Variants in SALL2 observed in about 807,000 individuals in gnomAD.
SALL2 encodes the protein spalt like transcription factor 2, also known as sal-like protein 2.
Under a neutral mutation model 58.5 loss-of-function variants are expected in SALL2, and 32 were observed. The observed-to-expected ratio is 0.55, with a 90% CI of 0.41 to 0.74. SALL2 has a LOEUF of 0.74. Ranked by LOEUF, SALL2 falls within the 30% of genes least tolerant of loss-of-function variation. The probability of loss-of-function intolerance (pLI) is 0.00; values close to 1 mark genes in which losing one functional copy is unlikely to be tolerated. For synonymous variants in SALL2, 516 were observed against 513.6 expected, an observed-to-expected ratio of 1.00 and a Z score of -0.06; for missense variants, 1,201 against 1,268.9, an observed-to-expected ratio of 0.95 and a Z score of 0.81.
Position 21,521,921 on chromosome 14 carries a change from T to G in SALL2, c.*783A>C. On this transcript the variant is annotated 3_prime_UTR_variant, in exon 2 of 2. Coordinates refer to ENST00000537235, the MANE Select transcript of SALL2 (RefSeq NM_001364564.1). ...ATGCCCTTCCTTCATTTCTCCCTAC[T>G]TCCTAGGGTTGGGTCACCAATTACT... is the stretch of plus-strand genomic sequence containing the variant. The G allele has an allele frequency of 7.0e-7, 1 of 1,432,878 alleles. No homozygotes were observed. Among genetic ancestry groups the G allele is most frequent in the Non-Finnish European group, 9.2e-7 (1 of 1,081,148 alleles). 88.8% of individuals were successfully genotyped at this position (1,432,878 alleles called of 1,614,324 possible). A position where few individuals can be genotyped will look rare whatever the true frequency, so the allele number is the denominator to read the frequency against.
rs1424081447 is a variant in SALL2 at position 21,525,542 on chromosome 14, T to A, written c.180A>T (p.Val60=). ...HQNACSTDPP[V]MVIIGGQENP... The stretch of plus-strand genomic sequence containing the variant: ...TCTCCTGGCCCCCAATTATCACCAT[T>A]ACAGGAGGGTCAGTAGAACATGCGT... The change falls in exon 2 of 2, where the codon GTA becomes GTT. Residue 60 remains valine (V), a synonymous_variant. Coordinates refer to ENST00000537235, the MANE Select transcript of SALL2 (RefSeq NM_001364564.1). This position sits in a 1 kb window ranked among gnomAD's most constrained non-coding sequence, Gnocchi z 4.4. 3 of 1,613,908 alleles carry A rather than the reference T, an allele frequency of 1.9e-6. No homozygotes were observed. The highest frequency in any genetic ancestry group is 2.5e-6 in the Non-Finnish European group (3 of 1,179,952).
chr14:21,521,958 A>T lies in SALL2; in HGVS notation c.*746T>A. The T allele has an allele frequency of 6.6e-7, 1 of 1,505,646 alleles. No individual in the cohort carries two copies. 93.3% of individuals were successfully genotyped at this position (1,505,646 alleles called of 1,614,324 possible). A position where few individuals can be genotyped will look rare whatever the true frequency, so the allele number is the denominator to read the frequency against. On this transcript the variant is annotated 3_prime_UTR_variant, in exon 2 of 2. Transcript: ENST00000537235. ...GGTCACCAATTACTGGAGCATCTTCAGTACCGGCACCTTCTGGAGCAGGGG... is the reference window on the plus strand; with the variant it reads ...GGTCACCAATTACTGGAGCATCTTCTGTACCGGCACCTTCTGGAGCAGGGG...
chr14:21,536,113 AT>A (rs1892590070), intron 1 of SALL2, among the ~76,000 whole-genome samples: 1 of 152,148 alleles, frequency 6.6e-6, no homozygotes, highest in Non-Finnish European at 1.5e-5. Flanking sequence ...AATACATACA[AT>A]TTTTCCCCCT....
At chr14:21,531,986 T>C (rs1482367903) in intron 1 of SALL2, among the ~76,000 whole-genome samples, 1 of 152,112 alleles carries the variant, frequency 6.6e-6, no homozygotes, top group East Asian at 1.9e-4. Context: ...CACCTCAGCC[T>C]CCCAAAGTGC....
chr14:21,522,536 T>A lies in SALL2; in HGVS notation c.*168A>T. 1.4e-6 allele frequency: 2 copies of A among 1,391,306 alleles called. No individual in the cohort carries two copies. The highest frequency in any genetic ancestry group is 1.9e-6 in the Non-Finnish European group (2 of 1,076,932). 86.2% of individuals were successfully genotyped at this position (1,391,306 alleles called of 1,614,324 possible). On this transcript the variant is annotated 3_prime_UTR_variant, in exon 2 of 2. Transcript: ENST00000537235. ...AATTCCTTAGGGGGCCATCCCCTTG[T>A]AAGCACAGTAATTTCCAAGCTCAGG...
intron 1 of SALL2, chr14:21,536,871 T>C (rs1273187973): frequency 6.2e-7 from 1 of 1,614,130 alleles, no homozygotes; most frequent in East Asian, 2.2e-5. Flanking sequence ...CGCTGGGACC[T>C]TCGCAGTCCG....
At chr14:21,532,617 G>A (rs1204995473) in intron 1 of SALL2, among the ~76,000 whole-genome samples, 6 of 152,094 alleles carry the variant, frequency 3.9e-5, no homozygotes, top group East Asian at 3.9e-4. Context: ...TCCAGCCTGG[G>A]CAACAGAGTA....
At chr14:21,537,033 C>A (rs566441952) in exon 1 of SALL2, 3 of 793,506 alleles carry the variant, frequency 3.8e-6, no homozygotes, top group South Asian at 1.5e-5. Context: ...TCTCCCCCAG[C>A]GCAAATCACT....
In SALL2 at chr14:21,525,658, G is replaced by A; in HGVS notation, c.68-4C>T. On this transcript the variant is annotated splice_region_variant and splice_polypyrimidine_tract_variant and intron_variant, in intron 1 of 1. Transcript: ENST00000537235. This position sits in a 1 kb window ranked among gnomAD's most constrained non-coding sequence, Gnocchi z 4.4. The stretch of plus-strand genomic sequence containing the variant: ...TGATCCTCCTCGCTAGCATCACCTG[G>A]GGAGAAGACAAGGAGAGAGAGCGTG... 2 of 1,562,112 alleles carry A rather than the reference G, an allele frequency of 1.3e-6. No individual in the cohort carries two copies. Among genetic ancestry groups the A allele is most frequent in the Non-Finnish European group, 1.7e-6 (2 of 1,151,596 alleles).
At position 21,526,286 on chromosome 14, in the gene SALL2, G is replaced by A; in HGVS notation, c.-159C>T. 2.1e-6 allele frequency: 3 copies of A among 1,439,624 alleles called. No homozygotes were observed. Among genetic ancestry groups the A allele is most frequent in the South Asian group, 2.9e-5 (2 of 68,474 alleles). The allele number at this position is 1,439,624 out of a possible 1,614,324, so 89.2% of individuals were successfully genotyped here. A position where few individuals can be genotyped will look rare whatever the true frequency, so the allele number is the denominator to read the frequency against. ...GCGGGGGCAGGGAGCAGCGGCGGAG[G>A]GGGAGGGGAGCGAGGAGGCGGGGAG... is the stretch of plus-strand genomic sequence containing the variant. On this transcript the variant is annotated 5_prime_UTR_variant, in exon 1 of 2. Transcript: ENST00000537235.
Position 21,525,354 on chromosome 14 carries a change from A to C in SALL2, c.368T>G (p.Phe123Cys). The change falls in exon 2 of 2, where the codon TTC becomes TGC. Residue 123 changes from phenylalanine to cysteine, a missense_variant. This residue lies in a region of SALL2 where 467 missense variants were observed against 468.9 expected (regional missense o/e 1.00). Transcript: ENST00000537235. This position sits in a 1 kb window ranked among gnomAD's most constrained non-coding sequence, Gnocchi z 4.4. The stretch of plus-strand genomic sequence containing the variant: ...CGCTGTACCTGTGGCAGCGACCAGG[A>C]AATGCCCTGAAGACTCCTCTCCTCT... ...ERRGEESSGH[F>C]LVAATGTAAG... is the part of the protein sequence containing the mutation. 9 of 1,614,022 alleles carry C rather than the reference A, an allele frequency of 5.6e-6. No homozygotes were observed. Among genetic ancestry groups the C allele is most frequent in the Non-Finnish European group, 7.6e-6 (9 of 1,179,964 alleles).
chr14:21,522,419 AG>A lies in SALL2; in HGVS notation c.*284del. ...GGGAGAGGAGAGAGGAGGGGGAAGA[AG>A]GGTCACACCAGGGAAGCTGGAGAGG... On this transcript the variant is annotated 3_prime_UTR_variant, in exon 2 of 2. Transcript: ENST00000537235. The A allele has an allele frequency of 4.2e-6, 6 of 1,413,140 alleles. No homozygotes were observed. The highest frequency in any genetic ancestry group is 5.5e-6 in the Non-Finnish European group (6 of 1,086,832). 87.5% of individuals were successfully genotyped at this position (1,413,140 alleles called of 1,614,324 possible).
intron 1 of SALL2, among the ~76,000 whole-genome samples, chr14:21,533,450 G>T (rs541264194): frequency 6.6e-6 from 1 of 152,120 alleles, no homozygotes; most frequent in South Asian, 2.1e-4. Flanking sequence ...GATCTGTTTG[G>T]CTGCTGTCCT....
rs1158346454 is a variant in SALL2 at position 21,526,260 on chromosome 14, G to A, written c.-133C>T. 2.1e-5 allele frequency: 31 copies of A among 1,447,266 alleles called. No individual in the cohort carries two copies. Among genetic ancestry groups the A allele is most frequent in the Non-Finnish European group, 2.6e-5 (29 of 1,103,712 alleles). The allele number at this position is 1,447,266 out of a possible 1,614,324, so 89.7% of individuals were successfully genotyped here. A position where few individuals can be genotyped will look rare whatever the true frequency, so the allele number is the denominator to read the frequency against. ...GACTGCGGAGATGGAGATCGGCAGCGGCGGGGGCAGGGAGCAGCGGCGGAG... is the reference window on the plus strand; with the variant it reads ...GACTGCGGAGATGGAGATCGGCAGCAGCGGGGGCAGGGAGCAGCGGCGGAG... On this transcript the variant is annotated 5_prime_UTR_variant, in exon 1 of 2. Transcript: ENST00000537235.
Position 21,525,280 on chromosome 14 carries a change from T to C in SALL2, c.442A>G (p.Thr148Ala). The C allele has an allele frequency of 1.2e-6, 2 of 1,611,806 alleles. No individual in the cohort carries two copies. The highest frequency in any genetic ancestry group is 1.7e-6 in the Non-Finnish European group (2 of 1,178,792). Reference protein sequence around the residue: ...LILASPKLGATPLPPESTPAP... With the variant: ...LILASPKLGAAPLPPESTPAP... ...GGGGTCGATTCTGGAGGTAATGGGG[T>C]TGCTCCCAGCTTGGGACTGGCCAAG... The change falls in exon 2 of 2, where the codon ACC (threonine) becomes GCC (alanine). Residue 148 changes from threonine to alanine, a missense_variant. Physicochemically the swap from Thr to Ala is moderately conservative, Grantham distance 58. Around this residue, in one of 3 missense-constraint regions of SALL2, gnomAD observed 467 missense variants for 468.9 expected, o/e 1.00. Coordinates refer to ENST00000537235, the MANE Select transcript of SALL2 (RefSeq NM_001364564.1). The surrounding 1 kb of genome is among the most constrained non-coding windows in gnomAD (Gnocchi z 4.4).
upstream of SALL2, among the ~76,000 whole-genome samples, chr14:21,528,794 G>A (rs988134913): frequency 6.6e-6 from 1 of 152,140 alleles, no homozygotes; most frequent in Admixed American, 6.5e-5. Context: ...TAATGCTAGA[G>A]AAAGGGCCCT....
At chr14:21,528,243 AAAT>A (rs1892376313), upstream of SALL2, among the ~76,000 whole-genome samples, 1 of 152,208 alleles carries the variant, frequency 6.6e-6, no homozygotes, top group Non-Finnish European at 1.5e-5. Flanking sequence ...GTCAGTAGCA[AAAT>A]AATCGAAGTA....
At position 21,524,072 on chromosome 14, in the gene SALL2, C is replaced by T. The variant is rs774183600; in HGVS notation, c.1650G>A (p.Lys550=). 2 of 1,614,210 alleles carry T rather than the reference C, an allele frequency of 1.2e-6. No individual in the cohort carries two copies. The highest frequency in any genetic ancestry group is 1.7e-6 in the Non-Finnish European group (2 of 1,180,022). ...SSTATRMQLS[K]LVTSLPSWAL... is the part of the protein sequence containing the mutation. ...CCCAGCTTGGTAGTGAAGTCACCAA[C>T]TTACTTAGTTGCATGCGAGTTGCCG... Residue 550 remains lysine, a synonymous_variant, in exon 2 of 2, where the codon AAG becomes AAA. Coordinates refer to ENST00000537235, the MANE Select transcript of SALL2 (RefSeq NM_001364564.1).
Position 21,521,870 on chromosome 14 carries a change from A to G in SALL2, c.*834T>C. On this transcript the variant is annotated 3_prime_UTR_variant, in exon 2 of 2. Coordinates refer to ENST00000537235, the MANE Select transcript of SALL2 (RefSeq NM_001364564.1). Reference sequence around the variant, plus strand: ...AAACCTTTACCTTAATGTGACCATCAGGGGATTTACTGGGAAAATTTTCCT... The same window carrying G: ...AAACCTTTACCTTAATGTGACCATCGGGGGATTTACTGGGAAAATTTTCCT... 1 of 1,021,002 alleles carries G rather than the reference A, an allele frequency of 9.8e-7. No individual in the cohort carries two copies. The highest frequency in any genetic ancestry group is 2.7e-5 in the Admixed American group (1 of 37,664). 63.2% of individuals were successfully genotyped at this position (1,021,002 alleles called of 1,614,324 possible).
Sources: allele counts gnomAD v4.1 joint callset (sites outside exome capture counted in the v4.1 genomes callset), GRCh38; gene constraint gnomAD v4.1.1; regional missense constraint gnomAD v4.1.1; non-coding constraint Gnocchi (gnomAD v3.1); transcripts MANE v1.5; gene names NCBI Gene and HGNC (gene_info 2026-07-23, HGNC 2026-07-21).